WASHC2A: variants seen among roughly 807,000 people sequenced by gnomAD.
The protein encoded by WASHC2A is WASH complex subunit 2A.
Under a neutral mutation model 140.3 loss-of-function variants are expected in WASHC2A, and 82 were observed. The ratio of observed to expected loss-of-function variants is 0.58; its 90% CI spans 0.49 to 0.70. The LOEUF is 0.70. WASHC2A is among the 30% of genes least tolerant of loss of function. The probability of loss-of-function intolerance (pLI) is 0.00; values close to 1 mark genes in which losing one functional copy is unlikely to be tolerated. For synonymous variants in WASHC2A, 340 were observed against 560.8 expected (o/e 0.61, Z 5.56); for missense variants, 985 against 1,521.8 (o/e 0.65, Z 5.87).
chr10:50,110,937 C>T (rs1842240951), intron 20 of WASHC2A, among the ~76,000 whole-genome samples: 1 of 144,354 alleles, frequency 6.9e-6, no homozygotes, highest in South Asian at 2.3e-4. Context: ...TAGAAATCTG[C>T]TCAGCATTTA....
chr10:50,081,148 C>G (rs1336794760), intron 5 of WASHC2A, among the ~76,000 whole-genome samples: 4 of 149,026 alleles, frequency 2.7e-5, no homozygotes, highest in Non-Finnish European at 4.4e-5. Context: ...TGCAAAGATG[C>G]AGAGCATGGC....
Position 50,106,458 on chromosome 10 carries a change from A to T in WASHC2A, c.1862A>T (p.Asp621Val), listed in dbSNP as rs1443871883. The stretch of plus-strand genomic sequence containing the variant: ...GCATCTGCCCTGTTGTTCAGCAGTG[A>T]TGAGGAGGTGAGCTGAGGTTTCTGC... ...KKASALLFSS[D>V]EEDQWNIPAS... The change falls in exon 19 of 31, where the codon GAT becomes GTT. Residue 621 changes from aspartate (D) to valine (V), a missense_variant. Transcript: ENST00000282633. 1.2e-6 allele frequency: 2 copies of T among 1,608,040 alleles called. No homozygotes were observed. The highest frequency in any genetic ancestry group is 1.1e-5 in the South Asian group (1 of 90,450).
intron 3 of WASHC2A, 88 bp from the exon 4 acceptor site, chr10:50,078,587 G>C: frequency 6.2e-7 from 1 of 1,611,120 alleles, no homozygotes; most frequent in Non-Finnish European, 8.5e-7. Context: ...CCCCATCTTT[G>C]TCCTTAGTTA....
chr10:50,087,231 A>G (rs1488183564), intron 7 of WASHC2A, 44 bp from the exon 8 acceptor site: 59 of 1,613,462 alleles, frequency 3.7e-5, no homozygotes, highest in Non-Finnish European at 4.2e-5. Context: ...CTGTGCTTCT[A>G]AGTAAAGCCC....
intron 21 of WASHC2A, among the ~76,000 whole-genome samples, chr10:50,115,735 G>A (rs1157065624): frequency 6.9e-5 from 10 of 145,210 alleles, no homozygotes; most frequent in South Asian, 2.4e-4. Flanking sequence ...TCATAGGCCC[G>A]GTTTCTATTA....
In WASHC2A at chr10:50,129,960, C is replaced by T. The variant is rs1843793474; in HGVS notation, c.3629C>T (p.Thr1210Ile). ...PLLEDEDDLF[T>I]DQKVKKNETK... ...CTGGAAGATGAGGATGACCTCTTTA[C>T]AGATCAGAAAGTCAAGAAGAATGAG... is the stretch of plus-strand genomic sequence containing the variant. The change falls in exon 29 of 31, where the codon ACA (threonine) becomes ATA (isoleucine). Residue 1210 changes from threonine to isoleucine, a missense_variant. Thr to Ile is a moderately conservative substitution (Grantham distance 89). Coordinates refer to ENST00000282633, the MANE Select transcript of WASHC2A (RefSeq NM_001005751.3). 10 of 1,611,976 alleles carry T rather than the reference C, an allele frequency of 6.2e-6. No individual in the cohort carries two copies. The South Asian group carries it at 9.9e-5, about 16-fold the overall frequency.
At chr10:50,068,306 C>T in intron 2 of WASHC2A, 79 bp downstream of exon 2, 2 of 1,383,036 alleles carry the variant, frequency 1.4e-6, no homozygotes, top group South Asian at 2.8e-5. Flanking sequence ...ACCGCGACTG[C>T]CCCTGCACCT....
chr10:50,082,178 AG>A (rs1838959994), intron 5 of WASHC2A, among the ~76,000 whole-genome samples: 1 of 150,062 alleles, frequency 6.7e-6, no homozygotes, highest in Non-Finnish European at 1.5e-5. Flanking sequence ...AAAGTTGTGG[AG>A]GTACACTTTT....
At chr10:50,095,903 A>G in intron 15 of WASHC2A, 125 bp downstream of exon 15, 2 of 1,258,824 alleles carry the variant, frequency 1.6e-6, no homozygotes, top group Non-Finnish European at 1.1e-6. Flanking sequence ...CATTCCTGTC[A>G]TTGAGTTGTT....
At chr10:50,130,810 C>T (rs1843896445) in intron 29 of WASHC2A, 91 bp from the exon 30 acceptor site, 1 of 1,585,456 alleles carries the variant, frequency 6.3e-7, no homozygotes, top group Non-Finnish European at 8.6e-7. Context: ...CACACCCTGG[C>T]CAATTGTATT....
At chr10:50,108,874 T>A (rs1273971957) in intron 19 of WASHC2A, among the ~76,000 whole-genome samples, 2 of 87,576 alleles carry the variant, frequency 2.3e-5, no homozygotes, top group African/African-American at 9.6e-5. Flanking sequence ...AGAGCAAGAC[T>A]CTGTCTCGAA....
At chr10:50,110,078 T>C (rs1314692182) in intron 19 of WASHC2A, 23 bp from the exon 20 acceptor site, 1 of 1,600,464 alleles carries the variant, frequency 6.2e-7, no homozygotes. Flanking sequence ...CCTGGAGTTT[T>C]AATATATATT....
rs2133112269 is a variant in WASHC2A at position 50,129,816 on chromosome 10, C to A, written c.3485C>A (p.Pro1162Gln). Residue 1162 changes from proline (P) to glutamine (Q), a missense_variant, in exon 29 of 31, where the codon CCA becomes CAA. Coordinates refer to ENST00000282633, the MANE Select transcript of WASHC2A (RefSeq NM_001005751.3). ...AKIAENPANPPVGGKAKSPMF... is the reference protein window; with the variant it reads ...AKIAENPANPQVGGKAKSPMF... ...ATAGCAGAGAATCCTGCCAACCCACCAGTGGGTGGTAAAGCAAAGAGCCCC... is the reference window on the plus strand; with the variant it reads ...ATAGCAGAGAATCCTGCCAACCCACAAGTGGGTGGTAAAGCAAAGAGCCCC... 3 of 1,612,052 alleles carry A rather than the reference C, an allele frequency of 1.9e-6. No individual in the cohort carries two copies. Among genetic ancestry groups the A allele is most frequent in the Non-Finnish European group, 2.5e-6 (3 of 1,179,866 alleles).
intron 30 of WASHC2A, among the ~76,000 whole-genome samples, chr10:50,132,493 T>C (rs1388553314): frequency 6.6e-6 from 1 of 152,248 alleles, no homozygotes; most frequent in Admixed American, 6.5e-5. Flanking sequence ...ATAAGTCCAT[T>C]GTCCCTGATG....
Position 50,095,842 on chromosome 10 carries a change from A to G in WASHC2A, c.1420+64A>G, listed in dbSNP as rs1193829023. On this transcript the variant is annotated intron_variant, in intron 15 of 30. Coordinates refer to ENST00000282633, the MANE Select transcript of WASHC2A (RefSeq NM_001005751.3). Reference sequence around the variant, plus strand: ...AAAAAGAACGTTGCCTAAAAAGAACATAAGCTCACCTAGTTCTGTATCTCT... The same window carrying G: ...AAAAAGAACGTTGCCTAAAAAGAACGTAAGCTCACCTAGTTCTGTATCTCT... 1.4e-5 allele frequency: 22 copies of G among 1,550,224 alleles called. No individual in the cohort carries two copies. In the East Asian group the frequency reaches 1.5e-4, roughly 10 times the overall value.
Position 50,068,441 on chromosome 10 carries a change from C to T in WASHC2A, c.126+214C>T, listed in dbSNP as rs530121066. On this transcript the variant is annotated intron_variant, in intron 2 of 30. Coordinates refer to ENST00000282633, the MANE Select transcript of WASHC2A (RefSeq NM_001005751.3). ...CTGACCGTGGCCCAGACGCGACGTT[C>T]CCTTCATGGGGTTTCTGGCTCAGCT... 1.2e-3 allele frequency among the ~76,000 whole-genome samples: 182 copies of T among 151,684 alleles called. 1 individual carries two copies. The highest frequency in any genetic ancestry group is 4.3e-3 in the African/African-American group (178 of 41,266).
intron 9 of WASHC2A, 40 bp from the exon 10 acceptor site, chr10:50,091,391 T>G: frequency 1.3e-6 from 2 of 1,547,844 alleles, no homozygotes; most frequent in South Asian, 2.4e-5. Context: ...TGTACTAGTT[T>G]GTTACAAAAA....
intron 3 of WASHC2A, among the ~76,000 whole-genome samples, chr10:50,071,028 G>A (rs1554876072): frequency 3.7e-5 from 4 of 107,726 alleles, no homozygotes; most frequent in South Asian, 4.3e-4. Flanking sequence ...GCGAAACTCC[G>A]TCTCAAAAAA....
chr10:50,076,598 A>T (rs1283135706), intron 3 of WASHC2A, among the ~76,000 whole-genome samples: 41 of 152,240 alleles, frequency 2.7e-4, no homozygotes, highest in African/African-American at 9.6e-4. Context: ...ACATTTGTGC[A>T]TAGAATCTGG....
Sources: gnomAD v4.1 joint callset for allele counts (sites outside exome capture counted in the v4.1 genomes callset) on GRCh38, gnomAD v4.1.1 for gene constraint, MANE v1.5 for transcripts, NCBI Gene and HGNC (gene_info 2026-07-23, HGNC 2026-07-21) for gene names.